The following SNX29 variants were observed in gnomAD, a reference collection of about 807,000 sequenced individuals.
SNX29 encodes the protein sorting nexin-29.
SNX29 carries 78 observed loss-of-function variants against 102.1 expected under a neutral mutation model. That is an observed-to-expected ratio of 0.76 (90% CI 0.64 to 0.92). SNX29 has a LOEUF of 0.92. Among genes scored for constraint, SNX29 ranks in the 40% least tolerant of loss-of-function variants. The pLI is 0.00. For synonymous variants in SNX29, 580 were observed against 414.5 expected (o/e 1.40, Z -4.85); for missense variants, 1,280 against 1,061.7 (o/e 1.21, Z -2.86).
At chr16:12,437,291 C>T (rs1277849406) in intron 18 of SNX29, among the ~76,000 whole-genome samples, 4 of 151,952 alleles carry the variant, frequency 2.6e-5, no homozygotes, top group Non-Finnish European at 4.4e-5. Flanking sequence ...CTCTCTTTCA[C>T]CTGAGTCCTG....
In SNX29 at chr16:12,016,975, A is replaced by T. The variant is rs912913988; in HGVS notation, c.123-10345A>T. On this transcript the variant is annotated intron_variant, in intron 3 of 20. Coordinates refer to ENST00000566228, the MANE Select transcript of SNX29 (RefSeq NM_032167.5). ...GACCCCTGTCTTTACAAAAAAAAAA[A>T]TTAAAAAAATTAACTGACCGTGGTA... Among the ~76,000 whole-genome samples, 7 of 151,944 alleles carry T rather than the reference A, an allele frequency of 4.6e-5. No individual in the cohort carries two copies. In the East Asian group the frequency reaches 1.3e-3, roughly 29 times the overall value.
chr16:12,453,292 GACC>G (rs1390450118), intron 18 of SNX29, among the ~76,000 whole-genome samples: 1 of 152,130 alleles, frequency 6.6e-6, no homozygotes, highest in East Asian at 1.9e-4. Context: ...TCCCCCACAT[GACC>G]ACCATCTTCC....
Position 12,573,005 on chromosome 16 carries a change from A to G in SNX29, c.*4376A>G. ...GCATTAATTCATTAAAGCTACTGTT[A>G]AATATTTGCTGTTTTTAGATTGGCG... is the stretch of plus-strand genomic sequence containing the variant. On this transcript the variant is annotated 3_prime_UTR_variant, in exon 21 of 21. Coordinates refer to ENST00000566228, the MANE Select transcript of SNX29 (RefSeq NM_032167.5). The G allele has an allele frequency of 3.1e-6, 1 of 320,484 alleles. No individual in the cohort carries two copies. The highest frequency in any genetic ancestry group is 5.0e-6 in the Non-Finnish European group (1 of 198,918). The allele number at this position is 320,484 out of a possible 1,614,324, so 19.9% of individuals were successfully genotyped here.
chr16:12,566,450 C>T (rs897457020), intron 20 of SNX29, among the ~76,000 whole-genome samples: 1 of 152,176 alleles, frequency 6.6e-6, no homozygotes, highest in South Asian at 2.1e-4. Context: ...CTGGTCATTG[C>T]AGGGCAGGGC....
At chr16:12,409,630 C>T (rs1057035998) in intron 18 of SNX29, among the ~76,000 whole-genome samples, 2 of 152,032 alleles carry the variant, frequency 1.3e-5, no homozygotes. Flanking sequence ...GGTGTTTCAC[C>T]GTGTTAGCCA....
At chr16:12,024,288 G>A (rs1459324795) in intron 3 of SNX29, among the ~76,000 whole-genome samples, 1 of 152,028 alleles carries the variant, frequency 6.6e-6, no homozygotes. Context: ...ATAAGCATGT[G>A]CCGCCACACC....
At chr16:12,075,446 T>C (rs536074959) in intron 10 of SNX29, among the ~76,000 whole-genome samples, 40 of 152,316 alleles carry the variant, frequency 2.6e-4, no homozygotes, top group African/African-American at 9.4e-4. Context: ...CCTGTTTGCA[T>C]GGGTATCAGC....
At chr16:12,159,759 G>A (rs1230738510) in intron 13 of SNX29, among the ~76,000 whole-genome samples, 9 of 152,192 alleles carry the variant, frequency 5.9e-5, no homozygotes, top group Admixed American at 5.9e-4. Flanking sequence ...GTAGGACTGG[G>A]AGAACTCATA....
At chr16:12,108,971 T>C (rs2053385201) in intron 11 of SNX29, among the ~76,000 whole-genome samples, 1 of 151,026 alleles carries the variant, frequency 6.6e-6, no homozygotes, top group African/African-American at 2.4e-5. Context: ...CTACTAAAAA[T>C]ACAAAAATTA....
At chr16:12,491,121 C>T (rs1305185555) in intron 19 of SNX29, among the ~76,000 whole-genome samples, 1 of 152,178 alleles carries the variant, frequency 6.6e-6, no homozygotes. Context: ...CTACACTTGC[C>T]GATAGTCTAT....
chr16:12,484,426 A>T (rs767286928), intron 19 of SNX29, among the ~76,000 whole-genome samples: 24 of 152,168 alleles, frequency 1.6e-4, no homozygotes, highest in Non-Finnish European at 2.6e-4. Flanking sequence ...CTGTAGCAAG[A>T]GTGAGATTTG....
intron 18 of SNX29, among the ~76,000 whole-genome samples, chr16:12,452,780 A>G (rs980138701): frequency 6.6e-6 from 1 of 152,150 alleles, no homozygotes; most frequent in Non-Finnish European, 1.5e-5. Context: ...GTCGGCAGGC[A>G]TGGTGCTGTG....
chr16:12,479,469 C>T (rs1254320696), intron 19 of SNX29, among the ~76,000 whole-genome samples: 1 of 152,108 alleles, frequency 6.6e-6, no homozygotes, highest in Non-Finnish European at 1.5e-5. Flanking sequence ...AAGGTCTGCT[C>T]GATTTGAACA....
At chr16:12,436,059 A>T (rs74487774) in intron 18 of SNX29, among the ~76,000 whole-genome samples, 1 of 152,140 alleles carries the variant, frequency 6.6e-6, no homozygotes, top group Non-Finnish European at 1.5e-5. Flanking sequence ...GCGGGTGTCA[A>T]TGGCACTCAA....
intron 11 of SNX29, chr16:12,093,690 A>G (rs1179770669): frequency 6.6e-6 from 1 of 152,190 alleles, no homozygotes; most frequent in African/African-American, 2.4e-5. Flanking sequence ...TGGTAATATT[A>G]TCCCCTTGGT....
intron 11 of SNX29, among the ~76,000 whole-genome samples, chr16:12,125,455 G>A (rs771887812): frequency 2.6e-5 from 4 of 152,066 alleles, no homozygotes; most frequent in Non-Finnish European, 4.4e-5. Flanking sequence ...GGCTGGAGAT[G>A]CACGGTGTAT....
At chr16:11,994,214 T>A (rs1022157645) in intron 1 of SNX29, among the ~76,000 whole-genome samples, 6 of 152,140 alleles carry the variant, frequency 3.9e-5, no homozygotes, top group African/African-American at 1.4e-4. Context: ...AGTTAGGGAG[T>A]GTCAGCTGAC....
chr16:12,532,149 A>G (rs2076949183), intron 20 of SNX29, among the ~76,000 whole-genome samples: 1 of 152,204 alleles, frequency 6.6e-6, no homozygotes, highest in Admixed American at 6.5e-5. Flanking sequence ...CCATGCTGTA[A>G]CTGTGTGTTC....
intron 20 of SNX29, among the ~76,000 whole-genome samples, chr16:12,539,025 T>G (rs1597820435): frequency 6.6e-6 from 1 of 152,136 alleles, no homozygotes; most frequent in Non-Finnish European, 1.5e-5. Context: ...CATCCATGAA[T>G]CCAGAATGGG....
Sources: allele counts gnomAD v4.1 joint callset (sites outside exome capture counted in the v4.1 genomes callset), GRCh38; gene constraint gnomAD v4.1.1; transcripts MANE v1.5; gene names NCBI Gene and HGNC (gene_info 2026-07-23, HGNC 2026-07-21).